The following ENDOD1 variants were observed in gnomAD, a reference collection of about 807,000 sequenced individuals.
ENDOD1 encodes endonuclease domain containing 1.
ENDOD1 carries 9 observed loss-of-function variants against 6.5 expected under a neutral mutation model. The observed-to-expected ratio is 1.39, with a 90% CI of 0.84 to 2.43. The LOEUF (loss-of-function observed/expected upper bound fraction) is 2.43. Ranked by LOEUF, ENDOD1 falls within the 30% of genes most tolerant of loss-of-function variation. ENDOD1 has a pLI of 0.00. For missense variants in ENDOD1, 648 were observed against 635.5 expected, an observed-to-expected ratio of 1.02 and a Z score of -0.21; for synonymous variants, 255 against 255.2, an observed-to-expected ratio of 1.00 and a Z score of 0.01.
chr11:95,114,512 A>G (rs1262397940), intron 1 of ENDOD1, among the ~76,000 whole-genome samples: 2 of 151,792 alleles, frequency 1.3e-5, no homozygotes, highest in Non-Finnish European at 2.9e-5. Context: ...CTTGTGATCC[A>G]TTTGTCCATT....
intron 1 of ENDOD1, among the ~76,000 whole-genome samples, chr11:95,124,971 C>G (rs1272526812): frequency 6.6e-6 from 1 of 152,166 alleles, no homozygotes; most frequent in Non-Finnish European, 1.5e-5. Context: ...CGTTCTCTCT[C>G]ATTTACTTCT....
rs1221919708 is a variant in ENDOD1, at chr11:95,090,081, C to T, written c.154C>T (p.His52Tyr). The T allele has an allele frequency of 1.9e-6, 3 of 1,601,838 alleles. No individual in the cohort carries two copies. Among genetic ancestry groups the T allele is most frequent in the African/African-American group, 2.7e-5 (2 of 73,780 alleles). The change falls in exon 1 of 2, where the codon CAC becomes TAC. Residue 52 changes from histidine (H) to tyrosine (Y), a missense_variant. Transcript: ENST00000278505. ...GCCTGCGGGGCTGGCGGCCGATTCC[C>T]ACGTGAAGATCTGTCAGCGCGCGGA... Reference protein sequence around the residue: ...TPPAGLAADSHVKICQRAEGA... With the variant: ...TPPAGLAADSYVKICQRAEGA...
chr11:95,119,633 G>T (rs937101174), intron 1 of ENDOD1, among the ~76,000 whole-genome samples: 5 of 152,204 alleles, frequency 3.3e-5, no homozygotes, highest in African/African-American at 1.2e-4. Flanking sequence ...CACAGTACTT[G>T]GTTCATCCAC....
intron 1 of ENDOD1, among the ~76,000 whole-genome samples, chr11:95,108,072 A>G (rs556714689): frequency 1.3e-5 from 2 of 152,306 alleles, no homozygotes; most frequent in South Asian, 4.1e-4. Context: ...CCCCCAGGCC[A>G]CCCATTGGCC....
chr11:95,122,858 G>C (rs1271406208), intron 1 of ENDOD1, among the ~76,000 whole-genome samples: 2 of 152,176 alleles, frequency 1.3e-5, no homozygotes, highest in African/African-American at 4.8e-5. Context: ...GAGCAAATGG[G>C]CATTTTCCTC....
At chr11:95,100,172 C>T (rs16921372) in intron 1 of ENDOD1, among the ~76,000 whole-genome samples, 21,350 of 152,090 alleles carry the variant, frequency 0.14, 1,941 homozygotes, top group African/African-American at 0.26. Context: ...ACAGACTTCC[C>T]TCCTATACGA....
At chr11:95,122,847 T>C (rs1859274963) in intron 1 of ENDOD1, among the ~76,000 whole-genome samples, 1 of 152,220 alleles carries the variant, frequency 6.6e-6, no homozygotes, top group African/African-American at 2.4e-5. Context: ...GATAGCATAG[T>C]GAGCAAATGG....
intron 1 of ENDOD1, among the ~76,000 whole-genome samples, chr11:95,106,997 A>G (rs1555111471): frequency 1.3e-5 from 2 of 151,918 alleles, no homozygotes; most frequent in Non-Finnish European, 1.5e-5. Context: ...TTTGAGAACT[A>G]TTGATTTAAG....
intron 1 of ENDOD1, among the ~76,000 whole-genome samples, chr11:95,116,829 T>A (rs1555112532): frequency 6.6e-6 from 1 of 152,252 alleles, no homozygotes; most frequent in East Asian, 1.9e-4. Context: ...TGATTTCTGT[T>A]TCTTTGTGTT....
In ENDOD1 at chr11:95,129,711, C is replaced by A; in HGVS notation, c.*132C>A. The A allele has an allele frequency of 1.0e-6, 1 of 975,562 alleles. No individual in the cohort carries two copies. The highest frequency in any genetic ancestry group is 1.7e-5 in the South Asian group (1 of 59,874). The allele number at this position is 975,562 out of a possible 1,614,324, so 60.4% of individuals were successfully genotyped here. On this transcript the variant is annotated 3_prime_UTR_variant, in exon 2 of 2. Coordinates refer to ENST00000278505, the MANE Select transcript of ENDOD1 (RefSeq NM_015036.3). ...TGGTGGGGATGTCTGCTTGTTTTTGCAAAAGAAGATGGCAGAATTTAGACT... is the reference window on the plus strand; with the variant it reads ...TGGTGGGGATGTCTGCTTGTTTTTGAAAAAGAAGATGGCAGAATTTAGACT...
At chr11:95,101,428 T>C (rs1191476221) in intron 1 of ENDOD1, among the ~76,000 whole-genome samples, 1 of 85,430 alleles carries the variant, frequency 1.2e-5, no homozygotes, top group Non-Finnish European at 2.6e-5. Context: ...CTGTTCTTAT[T>C]ATGGCACAGC....
At chr11:95,099,526 T>G (rs549580485) in intron 1 of ENDOD1, among the ~76,000 whole-genome samples, 23 of 152,308 alleles carry the variant, frequency 1.5e-4, no homozygotes, top group African/African-American at 5.3e-4. Flanking sequence ...CCCTAGTCTG[T>G]TCAGGAGCTC....
intron 1 of ENDOD1, among the ~76,000 whole-genome samples, chr11:95,117,183 G>A (rs1859217017): frequency 6.6e-6 from 1 of 152,222 alleles, no homozygotes; most frequent in African/African-American, 2.4e-5. Context: ...GCTGAGTCAG[G>A]CAGATCACCT....
intron 1 of ENDOD1, among the ~76,000 whole-genome samples, chr11:95,103,368 C>T (rs1859060348): frequency 6.6e-6 from 1 of 152,110 alleles, no homozygotes; most frequent in African/African-American, 2.4e-5. Context: ...GCTCTAGACT[C>T]ATAGTGTTGC....
chr11:95,090,128 C>G lies in ENDOD1; in HGVS notation c.201C>G (p.Thr67=). 6.4e-7 allele frequency: 1 copy of G among 1,553,662 alleles called. No individual in the cohort carries two copies. Among genetic ancestry groups the G allele is most frequent in the Non-Finnish European group, 8.7e-7 (1 of 1,151,508 alleles). ...QRAEGAERFA[T]LYSTRDRIPV... The stretch of plus-strand genomic sequence containing the variant: ...CGGAGGGTGCTGAGCGCTTCGCCAC[C>G]CTCTACAGCACCCGGGACCGCATCC... The change falls in exon 1 of 2, where the codon ACC becomes ACG. Residue 67 remains threonine, a synonymous_variant. Coordinates refer to ENST00000278505, the MANE Select transcript of ENDOD1 (RefSeq NM_015036.3).
chr11:95,098,489 C>T (rs1485369718), intron 1 of ENDOD1, among the ~76,000 whole-genome samples: 1 of 152,128 alleles, frequency 6.6e-6, no homozygotes, highest in Non-Finnish European at 1.5e-5. Flanking sequence ...TGGGTTATTA[C>T]ATATTTATTG....
rs1859349126 is a variant in ENDOD1 at position 95,129,493 on chromosome 11, A to T, written c.1417A>T (p.Thr473Ser). 1 of 1,613,970 alleles carries T rather than the reference A, an allele frequency of 6.2e-7. No homozygotes were observed. The highest frequency in any genetic ancestry group is 1.7e-5 in the Admixed American group (1 of 59,984). The change falls in exon 2 of 2, where the codon ACC becomes TCC. Residue 473 changes from threonine (T) to serine (S), a missense_variant. Thr to Ser is a moderately conservative substitution (Grantham distance 58). Transcript: ENST00000278505. ...VSLLFDTAFG[T>S]LGGLFQVVFS... ...ACTGCTCTTTGACACTGCTTTTGGT[A>T]CCCTGGGTGGCCTATTTCAGGTGGT...
Position 95,090,150 on chromosome 11 carries a change from A to C in ENDOD1, c.223A>C (p.Ile75Leu). ...FATLYSTRDRIPVYSAFRAPR... is the reference protein window; with the variant it reads ...FATLYSTRDRLPVYSAFRAPR... ...CACCCTCTACAGCACCCGGGACCGC[A>C]TCCCCGTGTACTCCGCGTTCCGCGC... The change falls in exon 1 of 2, where the codon ATC becomes CTC. Residue 75 changes from isoleucine (I) to leucine (L), a missense_variant. By Grantham distance (5) the Ile-to-Leu change is conservative. Coordinates refer to ENST00000278505, the MANE Select transcript of ENDOD1 (RefSeq NM_015036.3). The C allele has an allele frequency of 1.3e-6, 2 of 1,510,374 alleles. No homozygotes were observed. Among genetic ancestry groups the C allele is most frequent in the Non-Finnish European group, 1.8e-6 (2 of 1,125,926 alleles). 93.6% of individuals were successfully genotyped at this position (1,510,374 alleles called of 1,614,324 possible). A position where few individuals can be genotyped will look rare whatever the true frequency, so the allele number is the denominator to read the frequency against.
chr11:95,112,260 C>T (rs190996538), intron 1 of ENDOD1, among the ~76,000 whole-genome samples: 1 of 152,238 alleles, frequency 6.6e-6, no homozygotes, highest in East Asian at 1.9e-4. Context: ...CTCCTGTTCT[C>T]TCACAGTGTC....
Sources: gnomAD v4.1 joint callset for allele counts (sites outside exome capture counted in the v4.1 genomes callset) on GRCh38, gnomAD v4.1.1 for gene constraint, MANE v1.5 for transcripts, NCBI Gene and HGNC (gene_info 2026-07-23, HGNC 2026-07-21) for gene names.